Variants in SYCP1 observed in about 807,000 individuals in gnomAD.
The protein encoded by SYCP1 is synaptonemal complex protein 1, also known as cancer/testis antigen 8.
A neutral mutation model predicts 153.1 loss-of-function variants in SYCP1; 64 were observed. The observed-to-expected ratio is 0.42, with a 90% CI of 0.34 to 0.51. The LOEUF is 0.51. SYCP1 is among the 20% of genes least tolerant of loss of function. The probability of loss-of-function intolerance (pLI) is 0.06; values close to 1 mark genes in which losing one functional copy is unlikely to be tolerated. For synonymous variants in SYCP1, 384 were observed against 341.8 expected (o/e 1.12, Z -1.36); for missense variants, 997 against 1,049.0 (o/e 0.95, Z 0.68).
At chr1:114,979,301 G>C (rs991338628) in intron 28 of SYCP1, among the ~76,000 whole-genome samples, 1 of 151,696 alleles carries the variant, frequency 6.6e-6, no homozygotes, top group African/African-American at 2.4e-5. Flanking sequence ...TTGTTATGAG[G>C]ATTAAATGAG....
chr1:114,857,150 A>C, intron 3 of SYCP1, 82 bp from the exon 4 acceptor site: 2 of 941,738 alleles, frequency 2.1e-6, no homozygotes, highest in Non-Finnish European at 3.0e-6. Flanking sequence ...AAAAAAAAAA[A>C]AAAAAAAGAG....
chr1:114,888,524 C>A (rs1011406490), intron 15 of SYCP1, among the ~76,000 whole-genome samples: 4 of 151,634 alleles, frequency 2.6e-5, no homozygotes, highest in Non-Finnish European at 5.9e-5. Flanking sequence ...TTCTGTGAGG[C>A]TTAATTTTCC....
At chr1:114,976,740 A>G (rs893649456) in intron 27 of SYCP1, among the ~76,000 whole-genome samples, 1 of 151,830 alleles carries the variant, frequency 6.6e-6, no homozygotes, top group Non-Finnish European at 1.5e-5. Context: ...AGTAAATACT[A>G]TTGCATCAGT....
chr1:114,921,648 C>CAA (rs60500508), intron 20 of SYCP1, among the ~76,000 whole-genome samples: 4,645 of 135,166 alleles, frequency 0.034, 120 homozygotes, highest in Non-Finnish European at 0.046. Context: ...GACTCTGTCT[C>CAA]AAAAAAAAAA....
Position 114,910,400 on chromosome 1 carries a change from G to C in SYCP1, c.1324G>C (p.Glu442Gln). The change falls in exon 17 of 32, where the codon GAA becomes CAA. Residue 442 changes from glutamate to glutamine, a missense_variant. Glu to Gln is a conservative substitution (Grantham distance 29). Transcript: ENST00000369522. Reference sequence around the variant, plus strand: ...ATTTGTTAATGTTTATAAATAGGGAGAAAAGGAAACACTTTTATATGAAAA... The same window carrying C: ...ATTTGTTAATGTTTATAAATAGGGACAAAAGGAAACACTTTTATATGAAAA... ...ELEELKKVLG[E>Q]KETLLYENKQ... The C allele has an allele frequency of 1.3e-6, 2 of 1,583,350 alleles. No homozygotes were observed. The highest frequency in any genetic ancestry group is 2.3e-5 in the South Asian group (2 of 86,858).
rs771710545 is a variant in SYCP1 at position 114,857,499 on chromosome 1, TC to T, written c.291+3del. The T allele has an allele frequency of 6.3e-7, 1 of 1,588,644 alleles. No individual in the cohort carries two copies. Among genetic ancestry groups the T allele is most frequent in the Non-Finnish European group, 8.6e-7 (1 of 1,166,512 alleles). ...GGACTAAAAGACTCTGATTTGGAGG[TC>T]AGAAGATTTCCCATTCATATTAAAT... On this transcript the variant is annotated splice_donor_region_variant and intron_variant, in intron 5 of 31. Transcript: ENST00000369522.
intron 27 of SYCP1, among the ~76,000 whole-genome samples, chr1:114,952,653 G>A (rs889054131): frequency 1.3e-5 from 2 of 152,140 alleles, no homozygotes; most frequent in African/African-American, 4.8e-5. Context: ...ACTGTCACGA[G>A]AACAGCAGCA....
chr1:114,930,829 T>C (rs534038379), intron 23 of SYCP1, among the ~76,000 whole-genome samples: 2 of 151,878 alleles, frequency 1.3e-5, no homozygotes, highest in African/African-American at 4.8e-5. Flanking sequence ...TACAGGCCAA[T>C]ATCCCTATGA....
At chr1:114,949,273 A>G (rs1373416401) in intron 27 of SYCP1, among the ~76,000 whole-genome samples, 1 of 152,098 alleles carries the variant, frequency 6.6e-6, no homozygotes, top group Non-Finnish European at 1.5e-5. Flanking sequence ...ATGATACTAT[A>G]ATGAGGAAAA....
chr1:114,855,984 C>G (rs1258535227), intron 2 of SYCP1, among the ~76,000 whole-genome samples: 2 of 152,094 alleles, frequency 1.3e-5, no homozygotes, highest in African/African-American at 4.8e-5. Context: ...AGATTTGGCT[C>G]TGAGCTTCCT....
chr1:114,944,607 T>C lies in SYCP1; in HGVS notation c.2043+152T>C, dbSNP rs1024824994. On this transcript the variant is annotated intron_variant, in intron 24 of 31. Transcript: ENST00000369522. ...ATATAAGGGTCAGTTTATCAGTTTT[T>C]ATAGAAACTAAAAGTATCCTTGCTA... The C allele has an allele frequency of 9.8e-6, 6 of 612,114 alleles. No homozygotes were observed. In the African/African-American group the frequency reaches 1.2e-4, roughly 12 times the overall value. 37.9% of individuals were successfully genotyped at this position (612,114 alleles called of 1,614,324 possible).
chr1:114,899,281 A>G (rs1450830236), intron 16 of SYCP1, among the ~76,000 whole-genome samples: 1 of 152,222 alleles, frequency 6.6e-6, no homozygotes, highest in Non-Finnish European at 1.5e-5. Context: ...ACCTTACTCA[A>G]TTATTAAAGG....
chr1:114,858,963 T>G (rs1165462936), intron 6 of SYCP1, among the ~76,000 whole-genome samples: 1 of 152,248 alleles, frequency 6.6e-6, no homozygotes, highest in Non-Finnish European at 1.5e-5. Context: ...AAAATTGATT[T>G]AATGATTCTA....
intron 23 of SYCP1, among the ~76,000 whole-genome samples, chr1:114,929,216 C>T (rs1361699140): frequency 6.6e-6 from 1 of 151,354 alleles, no homozygotes; most frequent in Non-Finnish European, 1.5e-5. Context: ...ATAACAATAG[C>T]AAAAAAGTCA....
chr1:114,857,440 T>C lies in SYCP1; in HGVS notation c.238-4T>C. ...TTTTCTTATAGAAACATCTATCTTTTTAGGTTGGTAATTCTGACTGTCACT... is the reference window on the plus strand; with the variant it reads ...TTTTCTTATAGAAACATCTATCTTTCTAGGTTGGTAATTCTGACTGTCACT... On this transcript the variant is annotated splice_region_variant and splice_polypyrimidine_tract_variant and intron_variant, in intron 4 of 31. Transcript: ENST00000369522. The C allele has an allele frequency of 1.3e-6, 2 of 1,597,592 alleles. No individual in the cohort carries two copies. Among genetic ancestry groups the C allele is most frequent in the East Asian group, 2.2e-5 (1 of 44,638 alleles).
chr1:114,965,332 A>G (rs906295652), intron 27 of SYCP1, among the ~76,000 whole-genome samples: 6 of 152,090 alleles, frequency 3.9e-5, no homozygotes, highest in African/African-American at 1.4e-4. Flanking sequence ...CTCTCTTCCT[A>G]TTTGAATGCC....
intron 27 of SYCP1, among the ~76,000 whole-genome samples, chr1:114,976,230 G>C (rs1672784370): frequency 6.6e-6 from 1 of 151,640 alleles, no homozygotes; most frequent in Non-Finnish European, 1.5e-5. Context: ...TATTCAAAAG[G>C]CTATAGGCTG....
intron 23 of SYCP1, among the ~76,000 whole-genome samples, chr1:114,938,362 C>G (rs1670164045): frequency 7.1e-6 from 1 of 140,560 alleles, no homozygotes. Context: ...AACACTTGGA[C>G]ACAGGGTGGG....
chr1:114,865,268 C>T (rs1312990978), intron 8 of SYCP1, among the ~76,000 whole-genome samples: 1 of 152,042 alleles, frequency 6.6e-6, no homozygotes, highest in Non-Finnish European at 1.5e-5. Flanking sequence ...ATCTCATCAG[C>T]TATCTTAGAT....
Sources: gnomAD v4.1 joint callset for allele counts (sites outside exome capture counted in the v4.1 genomes callset) on GRCh38, gnomAD v4.1.1 for gene constraint, MANE v1.5 for transcripts, NCBI Gene and HGNC (gene_info 2026-07-23, HGNC 2026-07-21) for gene names.